SIN3A: variants seen among roughly 807,000 people sequenced by gnomAD.
The protein encoded by SIN3A is SIN3 transcription regulator family member A.
A neutral mutation model predicts 146.1 loss-of-function variants in SIN3A; 14 were observed. The ratio of observed to expected loss-of-function variants is 0.10; its 90% CI spans 0.06 to 0.15. SIN3A has a LOEUF of 0.15. Among genes scored for constraint, SIN3A ranks in the 10% least tolerant of loss-of-function variants. SIN3A has a pLI of 1.00. For synonymous variants in SIN3A, 572 were observed against 572.0 expected (o/e 1.00, Z 0.00); for missense variants, 1,028 against 1,576.0 (o/e 0.65, Z 5.89).
intron 6 of SIN3A, 45 bp from the exon 7 acceptor site, chr15:75,410,331 G>C: frequency 6.3e-7 from 1 of 1,586,052 alleles, no homozygotes; most frequent in Non-Finnish European, 8.6e-7. Context: ...CTACTGTTTT[G>C]AGTCACTCAT....
intron 6 of SIN3A, 94 bp from the exon 7 acceptor site, chr15:75,410,380 C>T (rs2141487952): frequency 2.4e-6 from 3 of 1,244,390 alleles, no homozygotes; most frequent in Non-Finnish European, 3.4e-6. Flanking sequence ...TCTATTTAGG[C>T]TGCATGTAAG....
chr15:75,419,579 G>A (rs1285816508), intron 3 of SIN3A: 1 of 152,026 alleles, frequency 6.6e-6, no homozygotes, highest in Non-Finnish European at 1.5e-5. Context: ...TAGTACTCTG[G>A]GAGGCCAAGG....
Position 75,394,663 on chromosome 15 carries a change from A to T in SIN3A, c.2277+17T>A. 1 of 1,588,358 alleles carries T rather than the reference A, an allele frequency of 6.3e-7. No individual in the cohort carries two copies. The highest frequency in any genetic ancestry group is 2.2e-5 in the East Asian group (1 of 44,454). ...TAGACTAGAGTCCTCTCACAGATGC[A>T]GAAACCCCCCGCTCACCTCATCATA... On this transcript the variant is annotated intron_variant, in intron 14 of 20. Transcript: ENST00000394947.
At chr15:75,428,513 ATTCT>A (rs2073963741) in intron 2 of SIN3A, among the ~76,000 whole-genome samples, 1 of 151,960 alleles carries the variant, frequency 6.6e-6, no homozygotes, top group Non-Finnish European at 1.5e-5. Flanking sequence ...TAATTAATTA[ATTCT>A]TTCTTTTTGA....
chr15:75,447,724 A>C (rs759859043), intron 1 of SIN3A: 1 of 152,192 alleles, frequency 6.6e-6, no homozygotes, highest in Admixed American at 6.5e-5. Context: ...CCAATAGCCC[A>C]TATGTCAGCA....
intron 18 of SIN3A, among the ~76,000 whole-genome samples, chr15:75,381,315 A>G (rs1031011692): frequency 6.6e-6 from 1 of 152,230 alleles, no homozygotes; most frequent in Non-Finnish European, 1.5e-5. Context: ...ATGACATGAG[A>G]AAGACCTCAT....
chr15:75,396,560 TAGA>T, intron 12 of SIN3A, 64 bp from the exon 13 acceptor site: 1 of 1,194,526 alleles, frequency 8.4e-7, no homozygotes, highest in South Asian at 1.4e-5. Context: ...GAGTAGTGTT[TAGA>T]AGAATAAGGT....
At chr15:75,379,326 G>T (rs891243694) in intron 19 of SIN3A, among the ~76,000 whole-genome samples, 1 of 152,202 alleles carries the variant, frequency 6.6e-6, no homozygotes, top group African/African-American at 2.4e-5. Flanking sequence ...CTCTAAGAGT[G>T]TAAGGGGTCT....
chr15:75,425,560 C>CA (rs1347903237), intron 2 of SIN3A, among the ~76,000 whole-genome samples: 2 of 152,190 alleles, frequency 1.3e-5, no homozygotes, highest in African/African-American at 4.8e-5. Context: ...GGTTTGGCCT[C>CA]AAACAAATGT....
chr15:75,447,373 G>C (rs1159423281), intron 1 of SIN3A, among the ~76,000 whole-genome samples: 1 of 152,230 alleles, frequency 6.6e-6, no homozygotes, highest in Non-Finnish European at 1.5e-5. Context: ...AAAAGACACA[G>C]AAGAGTCAAC....
chr15:75,400,308 T>A (rs959534233), intron 11 of SIN3A, 152 bp from the exon 12 acceptor site: 2 of 585,388 alleles, frequency 3.4e-6, no homozygotes, highest in Non-Finnish European at 6.1e-6. Flanking sequence ...AAAAAGCTAT[T>A]AGTAAGAAAA....
At chr15:75,432,983 A>G (rs1341116980) in intron 1 of SIN3A, among the ~76,000 whole-genome samples, 2 of 152,204 alleles carry the variant, frequency 1.3e-5, no homozygotes, top group Non-Finnish European at 2.9e-5. Context: ...CGGAGGTTGC[A>G]GTGAGCAAAT....
chr15:75,373,454 A>G (rs893109534), intron 20 of SIN3A, among the ~76,000 whole-genome samples: 3 of 152,330 alleles, frequency 2.0e-5, no homozygotes, highest in South Asian at 2.1e-4. Context: ...ACCCTGAGAC[A>G]GCAAAAACAA....
chr15:75,385,238 T>C (rs2073055997), intron 16 of SIN3A, among the ~76,000 whole-genome samples: 1 of 152,170 alleles, frequency 6.6e-6, no homozygotes, highest in Admixed American at 6.5e-5. Context: ...CTGAAACTCA[T>C]TAAGTATTTA....
chr15:75,380,169 G>A lies in SIN3A; in HGVS notation c.3383+460C>T, dbSNP rs796323838. On this transcript the variant is annotated intron_variant, in intron 19 of 20. Transcript: ENST00000394947. The stretch of plus-strand genomic sequence containing the variant: ...TGCCCTGGTAGACAGCATTTTGCAT[G>A]TGTTGTCACATTCATTGTTGGAAGA... 2.0e-5 allele frequency among the ~76,000 whole-genome samples: 3 copies of A among 152,220 alleles called. No individual in the cohort carries two copies. In the South Asian group the frequency reaches 6.2e-4, roughly 31 times the overall value.
rs572901135 is a variant in SIN3A, at chr15:75,435,713, A to G, written c.-33-5305T>C. ...AACTACGTCTCAAAAAAAAAAAAAA[A>G]AAGAAGAAGAAAACAGTAAGCTATA... On this transcript the variant is annotated intron_variant, in intron 1 of 20. Coordinates refer to ENST00000394947, the MANE Select transcript of SIN3A (RefSeq NM_001145358.2). Among the ~76,000 whole-genome samples, 1,062 of 152,032 alleles carry G rather than the reference A, an allele frequency of 7.0e-3. 8 individuals carry two copies. The highest frequency in any genetic ancestry group is 0.019 in the African/African-American group (805 of 41,456).
chr15:75,404,113 C>T (rs1356892764), intron 9 of SIN3A, among the ~76,000 whole-genome samples: 1 of 152,216 alleles, frequency 6.6e-6, no homozygotes, highest in East Asian at 1.9e-4. Flanking sequence ...GTGAAGACCA[C>T]AGACTGCCAC....
rs1033834917 is a variant in SIN3A at position 75,388,953 on chromosome 15, T to G, written c.3021+699A>C. ...AGTCCAAGAAGTAGAAATGTGACTATCTGTTACAAGCTATTTTTTATATCA... is the reference window on the plus strand; with the variant it reads ...AGTCCAAGAAGTAGAAATGTGACTAGCTGTTACAAGCTATTTTTTATATCA... On this transcript the variant is annotated intron_variant, in intron 16 of 20. Transcript: ENST00000394947. The G allele has an allele frequency of 5.9e-5, 9 of 152,268 alleles. No homozygotes were observed. The East Asian group carries it at 1.5e-3, about 26-fold the overall frequency. 9.4% of individuals were successfully genotyped at this position (152,268 alleles called of 1,614,324 possible).
chr15:75,438,654 A>G (rs2074147636), intron 1 of SIN3A, among the ~76,000 whole-genome samples: 1 of 152,088 alleles, frequency 6.6e-6, no homozygotes, highest in Non-Finnish European at 1.5e-5. Context: ...ATGCCACTGC[A>G]CTCCAGCATG....
Sources: gnomAD v4.1 joint callset for allele counts (sites outside exome capture counted in the v4.1 genomes callset) on GRCh38, gnomAD v4.1.1 for gene constraint, MANE v1.5 for transcripts, NCBI Gene and HGNC (gene_info 2026-07-23, HGNC 2026-07-21) for gene names.